Variants in PCDHA5 observed in about 807,000 individuals in gnomAD.
PCDHA5 encodes protocadherin alpha-5.
Under a neutral mutation model 61.6 loss-of-function variants are expected in PCDHA5, and 43 were observed. The observed-to-expected ratio is 0.70, with a 90% CI of 0.55 to 0.90. The LOEUF (loss-of-function observed/expected upper bound fraction) is 0.90, where lower values mean the gene tolerates loss of function less well. PCDHA5 is among the 40% of genes least tolerant of loss of function. PCDHA5 has a pLI of 0.00. For missense variants in PCDHA5, 1,298 were observed against 1,222.7 expected (o/e 1.06, Z -0.92); for synonymous variants, 627 against 543.9 (o/e 1.15, Z -2.13).
chr5:140,886,006 G>C (rs2060811194), intron 1 of PCDHA5, among the ~76,000 whole-genome samples: 2 of 152,088 alleles, frequency 1.3e-5, no homozygotes, highest in Non-Finnish European at 2.9e-5. Context: ...AAATAGTAAA[G>C]GGAGATGCTA....
chr5:140,850,186 C>T lies in PCDHA5; in HGVS notation c.2352+26059C>T, dbSNP rs2150472009. On this transcript the variant is annotated intron_variant, in intron 1 of 3. Transcript: ENST00000529859. ...CTGGACGAGAACGACAATGCGCCGG[C>T]GCTGCTGACACCTCGGATGAGGGGC... 4.4e-6 allele frequency: 7 copies of T among 1,593,614 alleles called. No homozygotes were observed. In the African/African-American group the frequency reaches 5.4e-5, roughly 12 times the overall value.
At chr5:140,933,073 T>C (rs1198976304) in intron 1 of PCDHA5, among the ~76,000 whole-genome samples, 1 of 152,026 alleles carries the variant, frequency 6.6e-6, no homozygotes, top group Non-Finnish European at 1.5e-5. Context: ...TAAAGTATTA[T>C]GGGAAGTAAG....
intron 1 of PCDHA5, among the ~76,000 whole-genome samples, chr5:140,838,077 AGTGTGT>A (rs2150283763): frequency 0.11 from 9,093 of 79,922 alleles, 336 homozygotes; most frequent in East Asian, 0.23. Flanking sequence ...ATATATATAT[AGTGTGT>A]GTGTGTGTGT....
intron 1 of PCDHA5, chr5:140,860,225 A>ATATATAT (rs2046281831): frequency 6.6e-6 from 1 of 151,528 alleles, no homozygotes. Context: ...ATGTATATAT[A>ATATATAT]AGCCAGGCAT....
At chr5:140,831,279 C>T (rs1046790636) in intron 1 of PCDHA5, 1 of 152,150 alleles carries the variant, frequency 6.6e-6, no homozygotes, top group African/African-American at 2.4e-5. Flanking sequence ...TGATGGTCTT[C>T]TCTTCATGGA....
At chr5:140,884,169 C>CG (rs2153400955) in intron 1 of PCDHA5, 1 of 1,613,426 alleles carries the variant, frequency 6.2e-7, no homozygotes, top group East Asian at 2.2e-5. Context: ...ATCAGCACGA[C>CG]GCGCCCTCTG....
intron 1 of PCDHA5, among the ~76,000 whole-genome samples, chr5:140,921,816 G>A (rs2080411020): frequency 6.6e-6 from 1 of 151,846 alleles, no homozygotes; most frequent in Non-Finnish European, 1.5e-5. Context: ...ATACATGTGT[G>A]AATATCTATA....
intron 1 of PCDHA5, among the ~76,000 whole-genome samples, chr5:140,831,530 T>C (rs1204695597): frequency 6.7e-6 from 1 of 150,262 alleles, no homozygotes; most frequent in Non-Finnish European, 1.5e-5. Flanking sequence ...CTTTTTTTTT[T>C]TTTTTTTTTT....
At chr5:140,885,482 G>A (rs1174553739) in intron 1 of PCDHA5, among the ~76,000 whole-genome samples, 1 of 152,150 alleles carries the variant, frequency 6.6e-6, no homozygotes, top group Non-Finnish European at 1.5e-5. Context: ...TTTGTGTCAA[G>A]TGTTCTGTTA....
At chr5:140,869,812 G>A (rs2051440753) in intron 1 of PCDHA5, 1 of 1,612,340 alleles carries the variant, frequency 6.2e-7, no homozygotes, top group East Asian at 2.2e-5. Flanking sequence ...GGATGTCAAC[G>A]ACAATGATCC....
At chr5:140,849,677 C>A (rs2150445032) in intron 1 of PCDHA5, 1 of 1,598,728 alleles carries the variant, frequency 6.3e-7, no homozygotes, top group East Asian at 2.2e-5. Flanking sequence ...CCCACGTCCC[C>A]TTCAAGCTGG....
At chr5:140,877,438 G>A (rs1554169741) in intron 1 of PCDHA5, 1 of 1,613,892 alleles carries the variant, frequency 6.2e-7, no homozygotes, top group South Asian at 1.1e-5. Context: ...GGACCACGGT[G>A]AGCCCGCGCT....
chr5:140,870,775 A>G (rs782661485), intron 1 of PCDHA5: 3 of 1,613,592 alleles, frequency 1.9e-6, no homozygotes, highest in Non-Finnish European at 1.7e-6. Context: ...GCTGGACGAG[A>G]ACGACAACGC....
intron 1 of PCDHA5, chr5:140,967,457 G>A: frequency 6.2e-7 from 1 of 1,613,614 alleles, no homozygotes; most frequent in Non-Finnish European, 8.5e-7. Context: ...CACAGCCGTG[G>A]ATGGGGGCAT....
intron 1 of PCDHA5, chr5:140,860,578 G>T (rs1420299092): frequency 1.3e-5 from 2 of 152,134 alleles, no homozygotes; most frequent in Non-Finnish European, 2.9e-5. Flanking sequence ...ACACAAGAAG[G>T]TATAGGAAAG....
At chr5:140,875,875 G>T in intron 1 of PCDHA5, 1 of 1,614,232 alleles carries the variant, frequency 6.2e-7, no homozygotes, top group South Asian at 1.1e-5. Flanking sequence ...GGTGTTCAGA[G>T]AAAGGGAACA....
intron 1 of PCDHA5, among the ~76,000 whole-genome samples, chr5:140,896,091 G>A (rs1353012571): frequency 2.0e-5 from 3 of 152,104 alleles, no homozygotes; most frequent in African/African-American, 2.4e-5. Flanking sequence ...GATTACAGGC[G>A]TGAGCCACTG....
At chr5:140,990,962 T>C (rs2097423975) in intron 3 of PCDHA5, among the ~76,000 whole-genome samples, 2 of 152,180 alleles carry the variant, frequency 1.3e-5, no homozygotes, top group Non-Finnish European at 2.9e-5. Context: ...AATAGTCTCT[T>C]AGAACAAGAG....
Position 141,012,272 on chromosome 5 carries a change from C to G in PCDHA5, c.*2335C>G, listed in dbSNP as rs186406635. On this transcript the variant is annotated 3_prime_UTR_variant, in exon 4 of 4. Transcript: ENST00000529859. ...TTACAGCTGTAAGGATAAAACACGTCATGTGGATTCATTTTGAATTGGTGC... is the reference window on the plus strand; with the variant it reads ...TTACAGCTGTAAGGATAAAACACGTGATGTGGATTCATTTTGAATTGGTGC... 3.3e-4 allele frequency: 51 copies of G among 153,858 alleles called. No individual in the cohort carries two copies. In the East Asian group the frequency reaches 6.6e-3, roughly 20 times the overall value. 9.5% of individuals were successfully genotyped at this position (153,858 alleles called of 1,614,324 possible). A position where few individuals can be genotyped will look rare whatever the true frequency, so the allele number is the denominator to read the frequency against.
Sources: allele counts gnomAD v4.1 joint callset (sites outside exome capture counted in the v4.1 genomes callset), GRCh38; gene constraint gnomAD v4.1.1; transcripts MANE v1.5; gene names NCBI Gene and HGNC (gene_info 2026-07-23, HGNC 2026-07-21).